SS18: variants seen among roughly 807,000 people sequenced by gnomAD.
The protein encoded by SS18 is SS18 subunit of BAF chromatin remodeling complex.
Under a neutral mutation model 72.5 loss-of-function variants are expected in SS18, and 28 were observed. The ratio of observed to expected loss-of-function variants is 0.39; its 90% confidence interval spans 0.29 to 0.53. The LOEUF (loss-of-function observed/expected upper bound fraction) is 0.53. Ranked by LOEUF, SS18 falls within the 20% of genes least tolerant of loss-of-function variation. The pLI is 0.76. For missense variants in SS18, 518 were observed against 535.3 expected, an observed-to-expected ratio of 0.97 and a Z score of 0.32; for synonymous variants, 172 against 164.2, an observed-to-expected ratio of 1.05 and a Z score of -0.37.
chr18:26,057,092 T>C (rs2054034813), intron 4 of SS18, among the ~76,000 whole-genome samples: 2 of 152,190 alleles, frequency 1.3e-5, no homozygotes, highest in Non-Finnish European at 2.9e-5. Context: ...AACCTATGTA[T>C]TAAAAAAATT....
chr18:26,051,320 G>A (rs2053919824), intron 5 of SS18, among the ~76,000 whole-genome samples: 1 of 152,124 alleles, frequency 6.6e-6, no homozygotes, highest in Non-Finnish European at 1.5e-5. Context: ...AATAAAAGTT[G>A]GTCCCTAAGA....
At chr18:26,056,858 A>G (rs2054030996) in intron 4 of SS18, among the ~76,000 whole-genome samples, 1 of 152,234 alleles carries the variant, frequency 6.6e-6, no homozygotes, top group African/African-American at 2.4e-5. Context: ...TTACAAAAAC[A>G]AAATAGTGTA....
chr18:26,038,138 A>T (rs1281556345), intron 7 of SS18, among the ~76,000 whole-genome samples: 2 of 152,272 alleles, frequency 1.3e-5, no homozygotes, highest in East Asian at 3.9e-4. Flanking sequence ...TTGGAAAAAT[A>T]ACTTGAGAAC....
At chr18:26,066,381 T>A (rs2054216744) in intron 3 of SS18, among the ~76,000 whole-genome samples, 1 of 152,158 alleles carries the variant, frequency 6.6e-6, no homozygotes, top group Admixed American at 6.5e-5. Context: ...CTACTCCACC[T>A]TCACATCTCC....
intron 10 of SS18, among the ~76,000 whole-genome samples, chr18:26,031,746 C>T (rs974276758): frequency 6.6e-6 from 1 of 152,060 alleles, no homozygotes; most frequent in Non-Finnish European, 1.5e-5. Context: ...GGAGAAATAA[C>T]AGTTGAAATA....
At chr18:26,090,781 T>C (rs773126436), upstream of SS18, 5 of 594,458 alleles carry the variant, frequency 8.4e-6, no homozygotes, top group Non-Finnish European at 1.5e-5. Flanking sequence ...CCCCTAGCCC[T>C]GGCCGAACTT....
intron 2 of SS18, chr18:26,080,330 T>G (rs1180414785): frequency 1.0e-6 from 1 of 985,276 alleles, no homozygotes; most frequent in Non-Finnish European, 1.2e-6. Context: ...CCTTCAAGTT[T>G]TCCTTTGCTT....
At chr18:26,022,804 G>C (rs80091364) in intron 10 of SS18, among the ~76,000 whole-genome samples, 2 of 152,114 alleles carry the variant, frequency 1.3e-5, no homozygotes, top group Non-Finnish European at 2.9e-5. Flanking sequence ...AAAATACCCA[G>C]GGCTGAGGCA....
intron 4 of SS18, 127 bp downstream of exon 4, chr18:26,057,461 TA>T: frequency 1.8e-6 from 2 of 1,094,570 alleles, no homozygotes; most frequent in Non-Finnish European, 2.7e-6. Context: ...TAACAAACTC[TA>T]AGAGAGCTTG....
chr18:26,089,219 A>T (rs1012725612), intron 1 of SS18, among the ~76,000 whole-genome samples: 2 of 151,130 alleles, frequency 1.3e-5, no homozygotes, highest in African/African-American at 2.4e-5. Context: ...AGAAACTATA[A>T]AAAAAAAAGA....
chr18:26,022,141 T>A (rs2053362610), intron 10 of SS18, among the ~76,000 whole-genome samples: 1 of 152,182 alleles, frequency 6.6e-6, no homozygotes, highest in Non-Finnish European at 1.5e-5. Flanking sequence ...GGTTTCCTCT[T>A]AACTCTGGTC....
chr18:26,031,208 A>G (rs1439961833), intron 10 of SS18, among the ~76,000 whole-genome samples: 1 of 152,132 alleles, frequency 6.6e-6, no homozygotes, highest in Non-Finnish European at 1.5e-5. Context: ...CCTCCAACTG[A>G]TCCTTTTGTT....
At chr18:26,048,669 CCTT>C (rs2053871647) in intron 5 of SS18, among the ~76,000 whole-genome samples, 1 of 152,132 alleles carries the variant, frequency 6.6e-6, no homozygotes. Flanking sequence ...AGAAAAATCT[CCTT>C]CTACTTTCAT....
At chr18:26,042,356 C>T (rs1490621007) in intron 5 of SS18, among the ~76,000 whole-genome samples, 1 of 152,102 alleles carries the variant, frequency 6.6e-6, no homozygotes, top group Non-Finnish European at 1.5e-5. Flanking sequence ...TGTTAAGACG[C>T]ACTACAAAGC....
At chr18:26,083,848 T>A (rs1396743216) in intron 2 of SS18, among the ~76,000 whole-genome samples, 1 of 152,110 alleles carries the variant, frequency 6.6e-6, no homozygotes, top group Non-Finnish European at 1.5e-5. Flanking sequence ...AAGAAGTAGA[T>A]CAGCTAGTTA....
chr18:26,071,864 C>T (rs951646181), intron 3 of SS18, among the ~76,000 whole-genome samples: 3 of 151,870 alleles, frequency 2.0e-5, no homozygotes, highest in African/African-American at 7.3e-5. Context: ...GAAATAAAGG[C>T]ATTTTCAGAC....
chr18:26,054,255 G>T (rs62087793), intron 4 of SS18, among the ~76,000 whole-genome samples: 9,972 of 152,164 alleles, frequency 0.066, 450 homozygotes, highest in East Asian at 0.24. Context: ...TAAATCCATG[G>T]ATGTGAAATT....
At chr18:26,068,661 T>C (rs1336486453) in intron 3 of SS18, 1 of 152,142 alleles carries the variant, frequency 6.6e-6, no homozygotes, top group Non-Finnish European at 1.5e-5. Context: ...ATTATCATCT[T>C]TACTAAAGCG....
Position 26,036,606 on chromosome 18 carries a change from C to G in SS18, c.881-683G>C, listed in dbSNP as rs570587959. ...ATTTTACCTGCGAGATAATTGGACTCTAGTGAAAAATACTCTCACTCTTTT... is the reference window on the plus strand; with the variant it reads ...ATTTTACCTGCGAGATAATTGGACTGTAGTGAAAAATACTCTCACTCTTTT... On this transcript the variant is annotated intron_variant, in intron 7 of 10. Transcript: ENST00000415083. Among the ~76,000 whole-genome samples the G allele has an allele frequency of 1.2e-4, 18 of 150,932 alleles. No homozygotes were observed. The South Asian group carries it at 3.1e-3, about 26-fold the overall frequency.
Sources: gnomAD v4.1 joint callset for allele counts (sites outside exome capture counted in the v4.1 genomes callset) on GRCh38, gnomAD v4.1.1 for gene constraint, MANE v1.5 for transcripts, NCBI Gene and HGNC (gene_info 2026-07-23, HGNC 2026-07-21) for gene names.